The following XKR5 variants were observed in gnomAD, a reference collection of about 807,000 sequenced individuals.
The protein encoded by XKR5 is XK-related protein 5.
A neutral mutation model predicts 40.8 loss-of-function variants in XKR5; 46 were observed. The ratio of observed to expected loss-of-function variants is 1.13; its 90% CI spans 0.89 to 1.44. The LOEUF (loss-of-function observed/expected upper bound fraction) is 1.44. Among genes scored for constraint, XKR5 ranks in the 40% most tolerant of loss-of-function variants. XKR5 has a pLI of 0.00. For missense variants in XKR5, 1,169 were observed against 844.7 expected, an observed-to-expected ratio of 1.38 and a Z score of -4.76; for synonymous variants, 466 against 356.1, an observed-to-expected ratio of 1.31 and a Z score of -3.48.
chr8:6,826,764 G>T (rs1332723281), intron 2 of XKR5, among the ~76,000 whole-genome samples: 1 of 151,974 alleles, frequency 6.6e-6, no homozygotes, highest in Non-Finnish European at 1.5e-5. Context: ...GCACCCTGGG[G>T]ACTGTTCCCA....
chr8:6,825,918 C>T (rs899392722), intron 2 of XKR5, among the ~76,000 whole-genome samples: 3 of 152,124 alleles, frequency 2.0e-5, no homozygotes, highest in Admixed American at 2.0e-4. Context: ...GGCTGGAGCA[C>T]CATGCGGAGC....
rs537902834 is a variant in XKR5 at position 6,831,704 on chromosome 8, TGA to T, written c.242+1011_242+1012del. Among the ~76,000 whole-genome samples the T allele has an allele frequency of 7.6e-3, 1,160 of 152,244 alleles. 20 individuals are homozygous for T. The highest frequency in any genetic ancestry group is 0.027 in the African/African-American group (1,104 of 41,554). ...TGCAGGGCTTCACCGCTCTGATCCCTGAATTTTTCTCCCTTAAAAAAAATCCT... is the reference window on the plus strand; with the variant it reads ...TGCAGGGCTTCACCGCTCTGATCCCTATTTTTCTCCCTTAAAAAAAATCCT... On this transcript the variant is annotated intron_variant, in intron 2 of 6. Transcript: ENST00000618742.
Position 6,834,540 on chromosome 8 carries a change from C to A in XKR5, c.58+896G>T, listed in dbSNP as rs368466348. On this transcript the variant is annotated intron_variant, in intron 1 of 6. Transcript: ENST00000618742. ...AGGTCCTGTCTCAGCCCTTCCAGTC[C>A]GGGGCGCGGAGCCAGGGCGCTTGCG... Among the ~76,000 whole-genome samples the A allele has an allele frequency of 2.2e-3, 332 of 152,224 alleles. 13 individuals are homozygous for A. The East Asian group carries it at 0.056, about 26-fold the overall frequency.
intron 5 of XKR5, among the ~76,000 whole-genome samples, chr8:6,819,348 C>A (rs1804118643): frequency 6.6e-6 from 1 of 152,242 alleles, no homozygotes. Context: ...TCTGTGCCAG[C>A]AGGGTGCACA....
intron 1 of XKR5, among the ~76,000 whole-genome samples, chr8:6,833,438 A>C (rs147539043): frequency 0.018 from 2,716 of 152,276 alleles, 88 homozygotes; most frequent in African/African-American, 0.061. Flanking sequence ...CCTGTGTCTC[A>C]TCTTGTGGCC....
In XKR5 at chr8:6,832,853, C is replaced by A. The variant is rs747562500; in HGVS notation, c.106G>T (p.Gly36Trp). 6.2e-7 allele frequency: 1 copy of A among 1,610,354 alleles called. No individual in the cohort carries two copies. Among genetic ancestry groups the A allele is most frequent in the Non-Finnish European group, 8.5e-7 (1 of 1,178,576 alleles). Reference sequence around the variant, plus strand: ...AGGAGGACAGCAAGGGCCAGCCACCCCCACAGAAGCCGTCCTGTGGTGAAG... The same window carrying A: ...AGGAGGACAGCAAGGGCCAGCCACCACCACAGAAGCCGTCCTGTGGTGAAG... ...YYFTTGRLLWGWLALAVLLPG... is the reference protein window; with the variant it reads ...YYFTTGRLLWWWLALAVLLPG... The change falls in exon 2 of 7, where the codon GGG (glycine) becomes TGG (tryptophan). Residue 36 changes from glycine (G) to tryptophan (W), a missense_variant. Physicochemically the swap from Gly to Trp is radical, Grantham distance 184. Transcript: ENST00000618742.
At chr8:6,832,217 G>T (rs1804802090) in intron 2 of XKR5, among the ~76,000 whole-genome samples, 1 of 152,044 alleles carries the variant, frequency 6.6e-6, no homozygotes, top group African/African-American at 2.4e-5. Context: ...CCAGGCCCCA[G>T]AACTATCCCT....
Position 6,835,520 on chromosome 8 carries a change from C to A in XKR5, c.-27G>T, listed in dbSNP as rs1243113081. 2.0e-6 allele frequency: 3 copies of A among 1,484,210 alleles called. No individual in the cohort carries two copies. Among genetic ancestry groups the A allele is most frequent in the South Asian group, 1.3e-5 (1 of 77,762 alleles). The allele number at this position is 1,484,210 out of a possible 1,614,324, so 91.9% of individuals were successfully genotyped here. On this transcript the variant is annotated 5_prime_UTR_variant, in exon 1 of 7. Coordinates refer to ENST00000618742, the MANE Select transcript of XKR5 (RefSeq NM_207411.5). ...TTCCGTGCCGACCCCGCAGCCTGCG[C>A]CCGCCCCTTCCCCTGCACGCGGCCC...
chr8:6,827,657 A>C (rs1804572909), intron 2 of XKR5, among the ~76,000 whole-genome samples: 1 of 152,254 alleles, frequency 6.6e-6, no homozygotes, highest in African/African-American at 2.4e-5. Context: ...GAGGGCAGGC[A>C]GTAGTTTTCT....
At chr8:6,818,008 C>T (rs1221907782) in intron 5 of XKR5, among the ~76,000 whole-genome samples, 1 of 152,082 alleles carries the variant, frequency 6.6e-6, no homozygotes, top group Non-Finnish European at 1.5e-5. Context: ...CCGGATGTTC[C>T]TCCTCCTTCC....
At chr8:6,830,080 G>A (rs1331352784) in intron 2 of XKR5, among the ~76,000 whole-genome samples, 2 of 151,948 alleles carry the variant, frequency 1.3e-5, no homozygotes, top group Admixed American at 6.6e-5. Context: ...CTCGTGATCC[G>A]CCTGCCTCGG....
intron 5 of XKR5, among the ~76,000 whole-genome samples, chr8:6,818,395 G>A (rs1406766700): frequency 6.6e-6 from 1 of 152,170 alleles, no homozygotes; most frequent in Non-Finnish European, 1.5e-5. Flanking sequence ...TGATCACAGT[G>A]GCTGCATGGA....
At chr8:6,824,685 C>A (rs1804380756) in intron 3 of XKR5, among the ~76,000 whole-genome samples, 1 of 152,022 alleles carries the variant, frequency 6.6e-6, no homozygotes, top group African/African-American at 2.4e-5. Flanking sequence ...TGCATGCCAC[C>A]ATGCCTGGCT....
rs756315993 is a variant in XKR5, at chr8:6,825,327, T to C, written c.265A>G (p.Ser89Gly). The C allele has an allele frequency of 8.2e-6, 13 of 1,591,634 alleles. No homozygotes were observed. The highest frequency in any genetic ancestry group is 1.4e-5 in the African/African-American group (1 of 73,554). ...GGAGCCTCCAGTTCCTTCTGCAGAC[T>C]GGTCAGTGCAGCGTCCCAGTGCCTA... is the stretch of plus-strand genomic sequence containing the variant. The part of the protein sequence containing the change: ...WKRHWDAALT[S>G]LQKELEAPHR... Residue 89 changes from serine (S) to glycine (G), a missense_variant, in exon 3 of 7, where the codon AGT (serine) becomes GGT (glycine). Ser to Gly is a moderately conservative substitution (Grantham distance 56). Coordinates refer to ENST00000618742, the MANE Select transcript of XKR5 (RefSeq NM_207411.5).
chr8:6,834,994 A>G (rs1046343739), intron 1 of XKR5, among the ~76,000 whole-genome samples: 2 of 152,072 alleles, frequency 1.3e-5, no homozygotes, highest in Admixed American at 1.3e-4. Flanking sequence ...GTCCCCCTGG[A>G]CGGCCGGGGG....
At chr8:6,813,728 T>G (rs1182346055) in intron 6 of XKR5, among the ~76,000 whole-genome samples, 1 of 152,082 alleles carries the variant, frequency 6.6e-6, no homozygotes, top group Admixed American at 6.6e-5. Context: ...ATGGGCTCCC[T>G]ACTCACTGCC....
At chr8:6,835,137 G>T (rs1587215539) in intron 1 of XKR5, among the ~76,000 whole-genome samples, 1 of 152,120 alleles carries the variant, frequency 6.6e-6, no homozygotes, top group South Asian at 2.1e-4. Flanking sequence ...GCATGCGTGG[G>T]GCGGGGGGAT....
At chr8:6,835,079 A>G (rs1251343222) in intron 1 of XKR5, among the ~76,000 whole-genome samples, 1 of 151,680 alleles carries the variant, frequency 6.6e-6, no homozygotes, top group African/African-American at 2.4e-5. Context: ...AAAGCTTGTG[A>G]TGGAAGGAAG....
intron 2 of XKR5, among the ~76,000 whole-genome samples, chr8:6,832,014 C>CAAA (rs34490284): frequency 6.2e-4 from 28 of 45,050 alleles, no homozygotes; most frequent in East Asian, 1.1e-3. Context: ...GACTCCATCT[C>CAAA]AAAAAAAAAA....
Sources: allele counts gnomAD v4.1 joint callset (sites outside exome capture counted in the v4.1 genomes callset), GRCh38; gene constraint gnomAD v4.1.1; transcripts MANE v1.5; gene names NCBI Gene and HGNC (gene_info 2026-07-23, HGNC 2026-07-21).